The following CSMD1 variants were observed in gnomAD, a reference collection of about 807,000 sequenced individuals.
The protein encoded by CSMD1 is CUB and Sushi multiple domains 1, also known as CUB and sushi domain-containing protein 1.
In CSMD1, 213 loss-of-function variants were observed where a neutral mutation model predicts 417.5. The ratio of observed to expected loss-of-function variants is 0.51; its 90% CI spans 0.46 to 0.57. The LOEUF (loss-of-function observed/expected upper bound fraction) is 0.57, where lower values mean the gene tolerates loss of function less well. CSMD1 is among the 20% of genes least tolerant of loss of function. The pLI, the probability that CSMD1 is intolerant of heterozygous loss-of-function variation, is 0.00. For missense variants in CSMD1, 6,923 were observed against 4,529.7 expected (o/e 1.53, Z -15.17); for synonymous variants, 2,862 against 1,736.8 (o/e 1.65, Z -16.11).
chr8:3,994,592 C>A (rs1815056627), intron 5 of CSMD1, among the ~76,000 whole-genome samples: 1 of 152,098 alleles, frequency 6.6e-6, no homozygotes, highest in Non-Finnish European at 1.5e-5. Flanking sequence ...TGATAGGAAG[C>A]CAACCTGCAT....
At chr8:4,917,616 A>G (rs1459480781) in intron 1 of CSMD1, among the ~76,000 whole-genome samples, 1 of 152,102 alleles carries the variant, frequency 6.6e-6, no homozygotes, top group African/African-American at 2.4e-5. Flanking sequence ...CCTGGGCGAC[A>G]GAGCGAGACT....
At chr8:3,874,471 A>C (rs765228407) in intron 5 of CSMD1, among the ~76,000 whole-genome samples, 1 of 152,154 alleles carries the variant, frequency 6.6e-6, no homozygotes, top group Non-Finnish European at 1.5e-5. Context: ...TCAGTGCTTG[A>C]ACTTTTACAG....
At chr8:4,309,521 C>G (rs1479159326) in intron 3 of CSMD1, among the ~76,000 whole-genome samples, 1 of 151,852 alleles carries the variant, frequency 6.6e-6, no homozygotes, top group Non-Finnish European at 1.5e-5. Context: ...AAGGTAAATC[C>G]TGTAACACAG....
At chr8:3,188,084 ATATG>A (rs897246055) in intron 35 of CSMD1, 119 bp from the exon 36 acceptor site, 4 of 311,820 alleles carry the variant, frequency 1.3e-5, no homozygotes, top group Non-Finnish European at 2.3e-5. Context: ...ATACATATGT[ATATG>A]TATATATATA....
chr8:3,156,057 T>C (rs1263697236), intron 39 of CSMD1, among the ~76,000 whole-genome samples: 1 of 152,234 alleles, frequency 6.6e-6, no homozygotes, highest in Non-Finnish European at 1.5e-5. Context: ...GCTTTACTTG[T>C]GGGTGCCCAC....
intron 33 of CSMD1, among the ~76,000 whole-genome samples, chr8:3,197,616 C>CCCAG (rs760801815): frequency 0.21 from 31,142 of 151,152 alleles, 3,050 homozygotes; most frequent in South Asian, 0.3. Context: ...CAGGTGCCCG[C>CCCAG]CACCACGCCC....
Position 2,937,569 on chromosome 8 carries a change from A to C in CSMD1, c.*1016T>G, listed in dbSNP as rs964231944. 1.3e-5 allele frequency: 2 copies of C among 152,216 alleles called. No individual in the cohort carries two copies. The highest frequency in any genetic ancestry group is 2.4e-5 in the African/African-American group (1 of 41,458). The allele number at this position is 152,216 out of a possible 1,614,324, so 9.4% of individuals were successfully genotyped here. A position where few individuals can be genotyped will look rare whatever the true frequency, so the allele number is the denominator to read the frequency against. ...TTACATGGCAAACAGAAATTTCTGC[A>C]AACCCCCTGCTATTAAGTAGTATCA... On this transcript the variant is annotated 3_prime_UTR_variant, in exon 70 of 70. Coordinates refer to ENST00000635120, the MANE Select transcript of CSMD1 (RefSeq NM_033225.6).
intron 11 of CSMD1, among the ~76,000 whole-genome samples, chr8:3,480,517 A>T (rs1045399143): frequency 6.6e-6 from 1 of 152,226 alleles, no homozygotes; most frequent in East Asian, 1.9e-4. Flanking sequence ...TGTTGAAATT[A>T]TTTAAAAAAA....
chr8:3,064,168 C>T (rs1812768536), intron 49 of CSMD1, among the ~76,000 whole-genome samples: 1 of 152,208 alleles, frequency 6.6e-6, no homozygotes, highest in Admixed American at 6.5e-5. Context: ...AATGAACTTT[C>T]AAGGCCTGAT....
intron 39 of CSMD1, among the ~76,000 whole-genome samples, chr8:3,155,878 T>G (rs1026178353): frequency 5.9e-5 from 9 of 152,218 alleles, no homozygotes; most frequent in Non-Finnish European, 1.2e-4. Flanking sequence ...TGAAGTTTTT[T>G]GTTTTACAGG....
chr8:4,363,743 C>A (rs1020744612), intron 3 of CSMD1, among the ~76,000 whole-genome samples: 4 of 152,144 alleles, frequency 2.6e-5, no homozygotes, highest in African/African-American at 9.7e-5. Flanking sequence ...TTGCAAAAGA[C>A]AGGATCTCAT....
intron 5 of CSMD1, among the ~76,000 whole-genome samples, chr8:3,991,535 A>G (rs889384961): frequency 5.3e-5 from 8 of 152,224 alleles, no homozygotes; most frequent in Non-Finnish European, 1.2e-4. Flanking sequence ...TAAGATGATT[A>G]CATTACTGTC....
intron 2 of CSMD1, among the ~76,000 whole-genome samples, chr8:4,578,555 G>T: frequency 6.6e-6 from 1 of 151,246 alleles, no homozygotes; most frequent in Admixed American, 6.6e-5. Context: ...AATGCTTCAT[G>T]CCTGTAATCT....
chr8:3,754,023 G>C lies in CSMD1; in HGVS notation c.838C>G (p.Pro280Ala). 6.2e-7 allele frequency: 1 copy of C among 1,612,468 alleles called. No homozygotes were observed. Among genetic ancestry groups the C allele is most frequent in the Non-Finnish European group, 8.5e-7 (1 of 1,178,944 alleles). ...TTCTTGCTACTGATAACTGGAGAGG[G>C]GAGGTTCATGCCAGTTAGCCTAGAG... ...PSIWLTGMNL[P>A]SPVISSKNWL... Residue 280 changes from proline (P) to alanine (A), a missense_variant, in exon 6 of 70, where the codon CCC becomes GCC. Physicochemically the swap from Pro to Ala is conservative, Grantham distance 27 (BLOSUM62 -1). Coordinates refer to ENST00000635120, the MANE Select transcript of CSMD1 (RefSeq NM_033225.6).
intron 5 of CSMD1, among the ~76,000 whole-genome samples, chr8:3,921,433 A>T (rs1809255039): frequency 6.6e-6 from 1 of 151,846 alleles, no homozygotes; most frequent in Non-Finnish European, 1.5e-5. Context: ...TTCTTCTATT[A>T]ACTTTGAGCT....
chr8:4,553,425 T>C (rs1395731974), intron 2 of CSMD1, among the ~76,000 whole-genome samples: 1 of 150,718 alleles, frequency 6.6e-6, no homozygotes, highest in East Asian at 1.9e-4. Context: ...CAGGCATTTA[T>C]AAACTGAAAA....
chr8:3,423,816 G>A (rs549175045), intron 12 of CSMD1, among the ~76,000 whole-genome samples: 3 of 152,292 alleles, frequency 2.0e-5, no homozygotes, highest in East Asian at 1.9e-4. Flanking sequence ...CTCCCTCAGC[G>A]ACCTTGTCTC....
intron 5 of CSMD1, among the ~76,000 whole-genome samples, chr8:3,867,491 G>A (rs1375210544): frequency 6.6e-6 from 1 of 152,104 alleles, no homozygotes; most frequent in African/African-American, 2.4e-5. Context: ...CTGCTGAAGA[G>A]GGTGTCAGAA....
intron 4 of CSMD1, among the ~76,000 whole-genome samples, chr8:4,026,268 G>C (rs76238069): frequency 6.6e-6 from 1 of 152,016 alleles, no homozygotes; most frequent in Non-Finnish European, 1.5e-5. Context: ...ACATGTAATG[G>C]AACGCAATTT....
Sources: allele counts gnomAD v4.1 joint callset (sites outside exome capture counted in the v4.1 genomes callset), GRCh38; gene constraint gnomAD v4.1.1; transcripts MANE v1.5; gene names NCBI Gene and HGNC (gene_info 2026-07-23, HGNC 2026-07-21).